The following ADAM18 variants were observed in gnomAD, a reference collection of about 807,000 sequenced individuals.
ADAM18 encodes the protein disintegrin and metalloproteinase domain-containing protein 18.
ADAM18 carries 117 observed loss-of-function variants against 94.4 expected under a neutral mutation model. The ratio of observed to expected loss-of-function variants is 1.24; its 90% confidence interval spans 1.07 to 1.45. ADAM18 has a LOEUF of 1.45. Among genes scored for constraint, ADAM18 ranks in the 40% most tolerant of loss-of-function variants. The pLI is 0.00. For synonymous variants in ADAM18, 327 were observed against 291.6 expected (o/e 1.12, Z -1.24); for missense variants, 936 against 880.0 (o/e 1.06, Z -0.81).
At chr8:39,713,413 T>C (rs951199181) in intron 18 of ADAM18, among the ~76,000 whole-genome samples, 2 of 152,128 alleles carry the variant, frequency 1.3e-5, no homozygotes, top group Non-Finnish European at 2.9e-5. Flanking sequence ...CGAAAAGCAA[T>C]GGCAACAAAA....
intron 6 of ADAM18, among the ~76,000 whole-genome samples, chr8:39,621,182 C>T (rs771882002): frequency 6.6e-6 from 1 of 151,996 alleles, no homozygotes; most frequent in Non-Finnish European, 1.5e-5. Context: ...AATAAAAATA[C>T]ATTAAAATAT....
chr8:39,636,746 C>T (rs1207397511), intron 7 of ADAM18, among the ~76,000 whole-genome samples: 1 of 151,678 alleles, frequency 6.6e-6, no homozygotes, highest in East Asian at 1.9e-4. Context: ...TCTACATAAC[C>T]CAAACTTTGT....
rs1297848220 is a variant in ADAM18 at position 39,645,447 on chromosome 8, C to G, written c.1019C>G (p.Ala340Gly). 1 of 1,611,550 alleles carries G rather than the reference C, an allele frequency of 6.2e-7. No homozygotes were observed. Among genetic ancestry groups the G allele is most frequent in the South Asian group, 1.1e-5 (1 of 90,570 alleles). The stretch of plus-strand genomic sequence containing the variant: ...ATCACTCAGTGTTTCTGTCTGAGAG[C>G]TACATGCATCATGAATCATGAAGCA... ...DDITQCFCLR[A>G]TCIMNHEAVS... The change falls in exon 11 of 20, where the codon GCT becomes GGT. Residue 340 changes from alanine to glycine, a missense_variant. Ala to Gly is a moderately conservative substitution (Grantham distance 60, BLOSUM62 0). Coordinates refer to ENST00000265707, the MANE Select transcript of ADAM18 (RefSeq NM_014237.3).
chr8:39,645,149 T>C (rs1820343454), intron 10 of ADAM18, among the ~76,000 whole-genome samples, 189 bp from the exon 11 acceptor site: 1 of 152,184 alleles, frequency 6.6e-6, no homozygotes, highest in South Asian at 2.1e-4. Flanking sequence ...CATAGTTTGA[T>C]TACTTGTTTC....
intron 14 of ADAM18, among the ~76,000 whole-genome samples, chr8:39,672,148 G>C (rs1563300583): frequency 6.6e-6 from 1 of 152,158 alleles, no homozygotes; most frequent in Non-Finnish European, 1.5e-5. Flanking sequence ...GAAGAAAAAG[G>C]CTCAGGGAAG....
At chr8:39,604,962 G>A (rs556814548) in intron 2 of ADAM18, among the ~76,000 whole-genome samples, 1 of 152,264 alleles carries the variant, frequency 6.6e-6, no homozygotes, top group African/African-American at 2.4e-5. Flanking sequence ...TGGAGATTGT[G>A]TCAGACCTTT....
chr8:39,637,094 A>G (rs1419861053), intron 7 of ADAM18, among the ~76,000 whole-genome samples, 170 bp from the exon 8 acceptor site: 1 of 146,218 alleles, frequency 6.8e-6, no homozygotes, highest in African/African-American at 2.5e-5. Context: ...AATCCATAAA[A>G]TCTTGTCTCA....
intron 17 of ADAM18, among the ~76,000 whole-genome samples, chr8:39,693,550 C>A (rs1208066615): frequency 6.6e-6 from 1 of 151,130 alleles, no homozygotes; most frequent in Non-Finnish European, 1.5e-5. Context: ...TAACTTTATA[C>A]ATATCTGATA....
chr8:39,600,083 T>G (rs1818859155), intron 2 of ADAM18, among the ~76,000 whole-genome samples: 1 of 152,322 alleles, frequency 6.6e-6, no homozygotes, highest in South Asian at 2.1e-4. Context: ...CTTTTAATAA[T>G]TTAAGAAAGT....
At chr8:39,698,058 T>C (rs1266334704) in intron 17 of ADAM18, among the ~76,000 whole-genome samples, 1 of 151,884 alleles carries the variant, frequency 6.6e-6, no homozygotes, top group Non-Finnish European at 1.5e-5. Context: ...TGGGATTAAA[T>C]TTACACCAAA....
chr8:39,712,067 G>C (rs1157021305), intron 18 of ADAM18, among the ~76,000 whole-genome samples: 1 of 107,656 alleles, frequency 9.3e-6, no homozygotes, highest in African/African-American at 3.8e-5. Context: ...AAAGATAAAA[G>C]ATAAGAAAAA....
At chr8:39,684,847 C>T (rs1236050583) in intron 16 of ADAM18, among the ~76,000 whole-genome samples, 1 of 152,106 alleles carries the variant, frequency 6.6e-6, no homozygotes, top group African/African-American at 2.4e-5. Flanking sequence ...TAAAATTCAA[C>T]CCCTGACCTC....
intron 19 of ADAM18, among the ~76,000 whole-genome samples, chr8:39,727,015 G>A (rs1822933721): frequency 6.6e-6 from 1 of 152,152 alleles, no homozygotes; most frequent in South Asian, 2.1e-4. Context: ...GATAGAGAAA[G>A]CTAAATTATT....
chr8:39,592,122 A>G (rs192889376), intron 2 of ADAM18, among the ~76,000 whole-genome samples: 1 of 152,324 alleles, frequency 6.6e-6, no homozygotes, highest in Admixed American at 6.5e-5. Context: ...TCACAGGCAT[A>G]AGTACATTTA....
At position 39,726,025 on chromosome 8, in the gene ADAM18, C is replaced by CT. The variant is rs898272424; in HGVS notation, c.2177+2124dup. On this transcript the variant is annotated intron_variant, in intron 19 of 19. Coordinates refer to ENST00000265707, the MANE Select transcript of ADAM18 (RefSeq NM_014237.3). Reference sequence around the variant, plus strand: ...CTTTACCAACCTTGCTCTCTTTTCCCTTTTTTCAATAACAACTATGTTAAC... The same window carrying CT: ...CTTTACCAACCTTGCTCTCTTTTCCCTTTTTTTCAATAACAACTATGTTAAC... Among the ~76,000 whole-genome samples the CT allele has an allele frequency of 7.9e-5, 12 of 152,016 alleles. No homozygotes were observed. The East Asian group carries it at 1.9e-3, about 24-fold the overall frequency.
Position 39,585,277 on chromosome 8 carries a change from T to A in ADAM18, c.57T>A (p.Gly19=), listed in dbSNP as rs569562633. 1.1e-4 allele frequency: 173 copies of A among 1,610,960 alleles called. 3 individuals carry two copies. The South Asian group carries it at 1.8e-3, about 17-fold the overall frequency. ...TELGRLQAHE[G]SEGIFLHVTV... Reference sequence around the variant, plus strand: ...AACAAACACATTTTCTTACTGCAGGTTCTGAAGGAATATTTCTGCATGTCA... The same window carrying A: ...AACAAACACATTTTCTTACTGCAGGATCTGAAGGAATATTTCTGCATGTCA... The change falls in exon 2 of 20, where the codon GGT becomes GGA. Residue 19 remains glycine, a splice_region_variant and synonymous_variant. Coordinates refer to ENST00000265707, the MANE Select transcript of ADAM18 (RefSeq NM_014237.3).
intron 18 of ADAM18, among the ~76,000 whole-genome samples, chr8:39,716,218 AT>A (rs1251674556): frequency 3.3e-5 from 5 of 149,556 alleles, no homozygotes; most frequent in South Asian, 2.1e-4. Flanking sequence ...AATACTTGCT[AT>A]TTTTTTTCTG....
At chr8:39,602,183 C>T (rs1335539562) in intron 2 of ADAM18, among the ~76,000 whole-genome samples, 1 of 152,118 alleles carries the variant, frequency 6.6e-6, no homozygotes, top group Non-Finnish European at 1.5e-5. Context: ...ATGCATACCC[C>T]ACAGTGAGGT....
At chr8:39,667,065 T>A (rs1434620142) in intron 13 of ADAM18, among the ~76,000 whole-genome samples, 1 of 152,140 alleles carries the variant, frequency 6.6e-6, no homozygotes, top group African/African-American at 2.4e-5. Context: ...AGGAGGCGTT[T>A]ATGCTCTTAG....
Sources: allele counts gnomAD v4.1 joint callset (sites outside exome capture counted in the v4.1 genomes callset), GRCh38; gene constraint gnomAD v4.1.1; transcripts MANE v1.5; gene names NCBI Gene and HGNC (gene_info 2026-07-23, HGNC 2026-07-21).